The following UNC5D variants were observed in gnomAD, a reference collection of about 807,000 sequenced individuals.
UNC5D encodes the protein unc-5 netrin receptor D.
Under a neutral mutation model 105.4 loss-of-function variants are expected in UNC5D, and 39 were observed. The ratio of observed to expected loss-of-function variants is 0.37; its 90% CI spans 0.29 to 0.48. UNC5D has a LOEUF of 0.48. Among genes scored for constraint, UNC5D ranks in the 20% least tolerant of loss-of-function variants. The pLI is 0.98. For synonymous variants in UNC5D, 452 were observed against 450.4 expected, an observed-to-expected ratio of 1.00 and a Z score of -0.04; for missense variants, 991 against 1,202.4, an observed-to-expected ratio of 0.82 and a Z score of 2.60.
At chr8:35,784,380 G>A (rs1802644417) in intron 16 of UNC5D, among the ~76,000 whole-genome samples, 2 of 152,126 alleles carry the variant, frequency 1.3e-5, no homozygotes, top group Admixed American at 6.6e-5. Flanking sequence ...AAAAGATAAA[G>A]TTATTGAGTC....
intron 4 of UNC5D, among the ~76,000 whole-genome samples, chr8:35,672,536 C>A (rs1358038405): frequency 6.6e-6 from 1 of 152,142 alleles, no homozygotes; most frequent in Non-Finnish European, 1.5e-5. Flanking sequence ...TCCCTCTTTG[C>A]AGATGGGAAA....
At chr8:35,654,756 G>A (rs1823631141) in intron 4 of UNC5D, among the ~76,000 whole-genome samples, 1 of 152,086 alleles carries the variant, frequency 6.6e-6, no homozygotes, top group African/African-American at 2.4e-5. Flanking sequence ...CTTTTGGGAG[G>A]GATGGGGGGA....
intron 4 of UNC5D, among the ~76,000 whole-genome samples, chr8:35,670,020 A>G (rs1397318699): frequency 1.3e-5 from 2 of 152,152 alleles, no homozygotes; most frequent in African/African-American, 4.8e-5. Flanking sequence ...GGTGTTTTGC[A>G]GTAAGACGTG....
intron 1 of UNC5D, chr8:35,525,476 C>T (rs967476127): frequency 1.9e-5 from 31 of 1,612,206 alleles, no homozygotes; most frequent in Non-Finnish European, 2.5e-5. Context: ...TCAGCTTCTC[C>T]TCCTTCTCTG....
At chr8:35,448,812 G>C (rs1807963117) in intron 1 of UNC5D, among the ~76,000 whole-genome samples, 1 of 151,912 alleles carries the variant, frequency 6.6e-6, no homozygotes, top group Admixed American at 6.6e-5. Flanking sequence ...TATACTCTAT[G>C]TCCGTGTGTA....
chr8:35,728,215 A>G (rs1828993118), intron 10 of UNC5D, among the ~76,000 whole-genome samples: 1 of 151,528 alleles, frequency 6.6e-6, no homozygotes, highest in African/African-American at 2.4e-5. Flanking sequence ...GCTCTCAGTT[A>G]TTAGTTGATA....
At chr8:35,519,312 T>G (rs1172855538) in intron 1 of UNC5D, among the ~76,000 whole-genome samples, 1 of 152,196 alleles carries the variant, frequency 6.6e-6, no homozygotes, top group Non-Finnish European at 1.5e-5. Context: ...TATGACTTTC[T>G]GTACTTATGC....
intron 1 of UNC5D, among the ~76,000 whole-genome samples, chr8:35,352,615 G>A (rs116821453): frequency 0.012 from 1,803 of 151,894 alleles, 39 homozygotes; most frequent in African/African-American, 0.042. Flanking sequence ...TTTTTTGTTT[G>A]TTTGCTTTTG....
chr8:35,601,986 T>C (rs1563578219), intron 4 of UNC5D, among the ~76,000 whole-genome samples: 1 of 152,208 alleles, frequency 6.6e-6, no homozygotes. Context: ...ATACCTAATT[T>C]ATTGAGAGTT....
At chr8:35,366,368 G>A (rs544244314) in intron 1 of UNC5D, among the ~76,000 whole-genome samples, 13 of 152,044 alleles carry the variant, frequency 8.6e-5, no homozygotes, top group African/African-American at 1.9e-4. Flanking sequence ...ACACCTGCTC[G>A]CCCTCCACTC....
intron 1 of UNC5D, among the ~76,000 whole-genome samples, chr8:35,296,849 C>T (rs572214264): frequency 1.6e-4 from 24 of 152,314 alleles, no homozygotes; most frequent in African/African-American, 5.3e-4. Context: ...ATACACAACA[C>T]CACTCATTGT....
chr8:35,686,570 C>A lies in UNC5D; in HGVS notation c.945C>A (p.Ser315Arg). 1 of 1,587,306 alleles carries A rather than the reference C, an allele frequency of 6.3e-7. No homozygotes were observed. Among genetic ancestry groups the A allele is most frequent in the East Asian group, 2.3e-5 (1 of 43,246 alleles). The change falls in exon 7 of 17, where the codon AGC (serine) becomes AGA (arginine). Residue 315 changes from serine to arginine, a missense_variant. This residue lies in a region of UNC5D where 944 missense variants were observed against 1,131.6 expected (regional missense o/e 0.83). Transcript: ENST00000404895. The part of the protein sequence containing the change: ...CPVDGSWEVW[S>R]EWSVCSPECE... The stretch of plus-strand genomic sequence containing the variant: ...TGGATGGGAGCTGGGAAGTGTGGAG[C>A]GAATGGTCCGTCTGCAGTCCAGAGT...
intron 4 of UNC5D, among the ~76,000 whole-genome samples, chr8:35,632,790 A>T (rs973021579): frequency 2.6e-5 from 4 of 152,158 alleles, no homozygotes; most frequent in South Asian, 4.1e-4. Context: ...AGGCAAGGAG[A>T]GGAGTCTAGG....
At chr8:35,639,326 G>A (rs562449349) in intron 4 of UNC5D, among the ~76,000 whole-genome samples, 5 of 152,182 alleles carry the variant, frequency 3.3e-5, no homozygotes, top group Non-Finnish European at 7.3e-5. Context: ...GTGGTTTACA[G>A]TTCTTTAGGA....
intron 1 of UNC5D, among the ~76,000 whole-genome samples, chr8:35,278,661 G>A (rs2950923): frequency 0.82 from 124,728 of 151,956 alleles, 51,629 homozygotes; most frequent in East Asian, 1. Flanking sequence ...ATACATGGTG[G>A]AAGAGTATTG....
intron 1 of UNC5D, among the ~76,000 whole-genome samples, chr8:35,483,520 G>A (rs1408964587): frequency 6.6e-6 from 1 of 152,172 alleles, no homozygotes; most frequent in African/African-American, 2.4e-5. Context: ...ATTCATTTTG[G>A]TGGCTTTAGT....
At chr8:35,504,352 G>A (rs1554545698) in intron 1 of UNC5D, among the ~76,000 whole-genome samples, 1 of 152,192 alleles carries the variant, frequency 6.6e-6, no homozygotes, top group Non-Finnish European at 1.5e-5. Flanking sequence ...TAATATCTCT[G>A]AGTGCTTAGA....
Position 35,630,112 on chromosome 8 carries a change from A to G in UNC5D, c.570+34455A>G, listed in dbSNP as rs1195783941. 5.3e-5 allele frequency among the ~76,000 whole-genome samples: 8 copies of G among 152,364 alleles called. No homozygotes were observed. The East Asian group carries it at 1.5e-3, about 29-fold the overall frequency. ...TGTCTGGACTGAAATTACTTAATCC[A>G]ATGAAATAAGTTCAATAAATTGCTT... On this transcript the variant is annotated intron_variant, in intron 4 of 16. Coordinates refer to ENST00000404895, the MANE Select transcript of UNC5D (RefSeq NM_080872.4).
chr8:35,646,153 T>C (rs1432979320), intron 4 of UNC5D, among the ~76,000 whole-genome samples: 3 of 152,144 alleles, frequency 2.0e-5, no homozygotes, highest in African/African-American at 7.2e-5. Context: ...TGAGCACTTA[T>C]TGTGTTGTCA....
Sources: allele counts gnomAD v4.1 joint callset (sites outside exome capture counted in the v4.1 genomes callset), GRCh38; gene constraint gnomAD v4.1.1; regional missense constraint gnomAD v4.1.1; transcripts MANE v1.5; gene names NCBI Gene and HGNC (gene_info 2026-07-23, HGNC 2026-07-21).